ADAMTSL1: variants seen among roughly 807,000 people sequenced by gnomAD.
ADAMTSL1 encodes ADAMTS-like protein 1.
A neutral mutation model predicts 201.8 loss-of-function variants in ADAMTSL1; 126 were observed. The observed-to-expected ratio is 0.62, with a 90% confidence interval of 0.54 to 0.72. ADAMTSL1 has a LOEUF of 0.72. ADAMTSL1 is among the 30% of genes least tolerant of loss of function. The probability of loss-of-function intolerance (pLI) is 0.00; values close to 1 mark genes in which losing one functional copy is unlikely to be tolerated. For synonymous variants in ADAMTSL1, 1,121 were observed against 903.4 expected (o/e 1.24, Z -4.32); for missense variants, 2,679 against 2,277.8 (o/e 1.18, Z -3.59).
At chr9:18,657,607 C>A in intron 7 of ADAMTSL1, 32 bp from the exon 8 acceptor site, 1 of 1,542,638 alleles carries the variant, frequency 6.5e-7, no homozygotes, top group Non-Finnish European at 9.0e-7. Context: ...CGCACTGTCA[C>A]ATTACTTCTA....
intron 1 of ADAMTSL1, among the ~76,000 whole-genome samples, chr9:17,925,320 A>G (rs1210382457): frequency 1.6e-5 from 2 of 121,946 alleles, no homozygotes; most frequent in Non-Finnish European, 3.6e-5. Context: ...ATCTAGAACT[A>G]GAAATACCAT....
intron 1 of ADAMTSL1, among the ~76,000 whole-genome samples, chr9:18,082,815 C>A (rs1356238266): frequency 6.6e-6 from 1 of 151,980 alleles, no homozygotes; most frequent in African/African-American, 2.4e-5. Context: ...GTTTAAGGGA[C>A]TAAGAAAAAA....
At chr9:18,664,939 T>G (rs1450732838) in intron 9 of ADAMTSL1, among the ~76,000 whole-genome samples, 2 of 152,036 alleles carry the variant, frequency 1.3e-5, no homozygotes, top group Non-Finnish European at 2.9e-5. Context: ...TAAATAATAA[T>G]TCACAAAAAT....
chr9:18,155,061 G>A (rs531838264), intron 1 of ADAMTSL1, among the ~76,000 whole-genome samples: 1 of 152,142 alleles, frequency 6.6e-6, no homozygotes, highest in East Asian at 1.9e-4. Context: ...AGCACTATCT[G>A]TAGAGTTGTG....
rs1304230577 is a variant in ADAMTSL1 at position 18,777,137 on chromosome 9, C to T, written c.2908C>T (p.Arg970Trp). 8 of 1,613,042 alleles carry T rather than the reference C, an allele frequency of 5.0e-6. No homozygotes were observed. Among genetic ancestry groups the T allele is most frequent in the Non-Finnish European group, 6.8e-6 (8 of 1,179,842 alleles). ...LIGGNRKLVA[R>W]PLSPRSEEEV... ...CGGAGGCAACCGCAAGCTCGTGGCC[C>T]GGCCCTTGAGCCCGAGAAGTGAGGA... Residue 970 changes from arginine to tryptophan, a missense_variant, in exon 19 of 29, where the codon CGG becomes TGG. Physicochemically the swap from Arg to Trp is moderately radical, Grantham distance 101. Transcript: ENST00000380548.
intron 2 of ADAMTSL1, among the ~76,000 whole-genome samples, chr9:18,209,247 C>G (rs1829774421): frequency 6.6e-6 from 1 of 150,618 alleles, no homozygotes; most frequent in African/African-American, 2.4e-5. Flanking sequence ...AAAATTACGT[C>G]AGACTTGTTT....
intron 3 of ADAMTSL1, among the ~76,000 whole-genome samples, chr9:18,571,770 A>C (rs946634874): frequency 5.3e-5 from 8 of 152,308 alleles, no homozygotes; most frequent in Admixed American, 5.2e-4. Context: ...CTAGGCAGAT[A>C]TTGGTAGAAT....
chr9:18,251,011 A>G (rs1240963507), intron 2 of ADAMTSL1, among the ~76,000 whole-genome samples: 1 of 152,172 alleles, frequency 6.6e-6, no homozygotes, highest in African/African-American at 2.4e-5. Flanking sequence ...CTCAATGAAG[A>G]AATAGAAGAG....
At chr9:18,465,294 C>T (rs16936735) in intron 2 of ADAMTSL1, among the ~76,000 whole-genome samples, 3,881 of 152,244 alleles carry the variant, frequency 0.025, 165 homozygotes, top group African/African-American at 0.09. Flanking sequence ...TTTGCTTAGT[C>T]CTGCCACCCT....
At chr9:18,423,006 G>A (rs900357768) in intron 2 of ADAMTSL1, among the ~76,000 whole-genome samples, 9 of 152,214 alleles carry the variant, frequency 5.9e-5, no homozygotes, top group African/African-American at 1.9e-4. Context: ...TGTGTCCTGT[G>A]TGTAAGACCT....
At chr9:18,636,911 C>G (rs925656032) in intron 6 of ADAMTSL1, among the ~76,000 whole-genome samples, 1 of 152,118 alleles carries the variant, frequency 6.6e-6, no homozygotes, top group Non-Finnish European at 1.5e-5. Flanking sequence ...CCTTTCTCCC[C>G]TCCCACACAA....
intron 13 of ADAMTSL1, among the ~76,000 whole-genome samples, chr9:18,685,576 T>C (rs1244234187): frequency 6.6e-6 from 1 of 152,262 alleles, no homozygotes; most frequent in African/African-American, 2.4e-5. Context: ...ATTCATTTAA[T>C]GTAAGTTCTA....
intron 13 of ADAMTSL1, among the ~76,000 whole-genome samples, chr9:18,697,137 C>G (rs191550596): frequency 1.5e-3 from 232 of 152,006 alleles, no homozygotes; most frequent in African/African-American, 5.2e-3. Flanking sequence ...CCACCTCAGC[C>G]CCCCCAAGTG....
chr9:18,781,241 G>T (rs548208173), intron 19 of ADAMTSL1, among the ~76,000 whole-genome samples: 5 of 152,178 alleles, frequency 3.3e-5, no homozygotes, highest in African/African-American at 1.2e-4. Context: ...CCAGGACATC[G>T]TTGTGGGGGA....
chr9:18,392,288 C>T (rs955664698), intron 2 of ADAMTSL1, among the ~76,000 whole-genome samples: 18 of 152,132 alleles, frequency 1.2e-4, no homozygotes, highest in African/African-American at 4.3e-4. Flanking sequence ...CACATAAAGT[C>T]ACTGTTGCTT....
chr9:18,143,074 G>A (rs929771165), intron 1 of ADAMTSL1, among the ~76,000 whole-genome samples: 5 of 152,158 alleles, frequency 3.3e-5, no homozygotes, highest in African/African-American at 1.2e-4. Flanking sequence ...AATGCTAACA[G>A]GGCAGCATTG....
At chr9:18,388,266 T>C (rs563011901) in intron 2 of ADAMTSL1, among the ~76,000 whole-genome samples, 144 of 152,182 alleles carry the variant, frequency 9.5e-4, no homozygotes, top group Middle Eastern at 3.4e-3. Flanking sequence ...TATACTTAAT[T>C]TTTTTGTTTT....
intron 16 of ADAMTSL1, among the ~76,000 whole-genome samples, chr9:18,769,288 G>C (rs923832609): frequency 2.0e-5 from 3 of 152,198 alleles, no homozygotes; most frequent in African/African-American, 7.2e-5. Context: ...AGGTACTTCA[G>C]CACAAACTCT....
chr9:18,015,965 T>C (rs997799468), intron 1 of ADAMTSL1, among the ~76,000 whole-genome samples: 3 of 152,058 alleles, frequency 2.0e-5, no homozygotes, highest in Admixed American at 2.0e-4. Flanking sequence ...AAAACCAGGA[T>C]GGCAGCTAAG....
Sources: allele counts gnomAD v4.1 joint callset (sites outside exome capture counted in the v4.1 genomes callset), GRCh38; gene constraint gnomAD v4.1.1; transcripts MANE v1.5; gene names NCBI Gene and HGNC (gene_info 2026-07-23, HGNC 2026-07-21).